KCNAB1: variants seen among roughly 807,000 people sequenced by gnomAD.
KCNAB1 encodes the protein voltage-gated potassium channel subunit beta-1.
In KCNAB1, 35 loss-of-function variants were observed where a neutral mutation model predicts 64.6. The ratio of observed to expected loss-of-function variants is 0.54; its 90% CI spans 0.41 to 0.72. The LOEUF is 0.72. Among genes scored for constraint, KCNAB1 ranks in the 30% least tolerant of loss-of-function variants. The pLI is 0.00. For missense variants in KCNAB1, 401 were observed against 512.9 expected, an observed-to-expected ratio of 0.78 and a Z score of 2.11; for synonymous variants, 177 against 183.8, an observed-to-expected ratio of 0.96 and a Z score of 0.30.
Position 156,387,014 on chromosome 3 carries a change from CTTTT to C in KCNAB1, c.276-34585_276-34582del, listed in dbSNP as rs1194708289. Among the ~76,000 whole-genome samples, 802 of 90,560 alleles carry C rather than the reference CTTTT, an allele frequency of 8.9e-3. 39 individuals are homozygous for C. Among genetic ancestry groups the C allele is most frequent in the African/African-American group, 0.041 (759 of 18,424 alleles). The allele number at this position is 90,560 out of a possible 152,430, so 59.4% of individuals were successfully genotyped here. ...TCTTGCTTGCTTGCTTTCTCTCTCT[CTTTT>C]TTTTTTTTTTTTTTTTGCCTGTATG... is the stretch of plus-strand genomic sequence containing the variant. On this transcript the variant is annotated intron_variant, in intron 1 of 13. Coordinates refer to ENST00000490337, the MANE Select transcript of KCNAB1 (RefSeq NM_172160.3).
chr3:156,259,242 C>T (rs1718289206), intron 1 of KCNAB1, among the ~76,000 whole-genome samples: 1 of 152,184 alleles, frequency 6.6e-6, no homozygotes, highest in South Asian at 2.1e-4. Flanking sequence ...GTTCTCTGCC[C>T]TGACCCCCTT....
intron 8 of KCNAB1, among the ~76,000 whole-genome samples, chr3:156,513,300 C>T (rs1717337890): frequency 6.6e-6 from 1 of 152,046 alleles, no homozygotes; most frequent in South Asian, 2.1e-4. Context: ...CATTCCAAAT[C>T]CTGTTCCGTA....
intron 1 of KCNAB1, among the ~76,000 whole-genome samples, chr3:156,377,897 T>C (rs1156306113): frequency 6.6e-6 from 1 of 152,142 alleles, no homozygotes; most frequent in Non-Finnish European, 1.5e-5. Flanking sequence ...TGCCTCAACT[T>C]TTCTTCAGAC....
chr3:156,370,698 C>T lies in KCNAB1; in HGVS notation c.276-50918C>T, dbSNP rs140774481. 2.3e-3 allele frequency among the ~76,000 whole-genome samples: 353 copies of T among 152,346 alleles called. 1 individual carries two copies. The highest frequency in any genetic ancestry group is 3.1e-3 in the Non-Finnish European group (212 of 68,030). The stretch of plus-strand genomic sequence containing the variant: ...TTAAAGCCCTCCCTGGATTGTATCT[C>T]TCCCACTGTTGTGCCGAACTTCTGT... On this transcript the variant is annotated intron_variant, in intron 1 of 13. Transcript: ENST00000490337.
chr3:156,222,195 G>A (rs1715816215), intron 1 of KCNAB1, among the ~76,000 whole-genome samples: 1 of 152,082 alleles, frequency 6.6e-6, no homozygotes, highest in Non-Finnish European at 1.5e-5. Context: ...CCTAACATAT[G>A]AGGACTCACG....
At chr3:156,176,922 G>A (rs1366061249) in intron 1 of KCNAB1, 8 of 961,398 alleles carry the variant, frequency 8.3e-6, no homozygotes, top group African/African-American at 3.3e-5. Flanking sequence ...GGCGGCAACC[G>A]GATGATGCTT....
intron 1 of KCNAB1, among the ~76,000 whole-genome samples, chr3:156,324,335 C>T (rs114869694): frequency 0.01 from 1,527 of 152,192 alleles, 24 homozygotes; most frequent in African/African-American, 0.035. Context: ...TATTACAATG[C>T]GCTTTAATTA....
intron 1 of KCNAB1, among the ~76,000 whole-genome samples, chr3:156,390,514 C>T (rs1387874822): frequency 6.8e-6 from 1 of 146,806 alleles, no homozygotes; most frequent in Non-Finnish European, 1.5e-5. Context: ...TAAGAAACTC[C>T]ACTTTTCTTT....
At chr3:156,529,408 T>C (rs1718539867) in intron 12 of KCNAB1, among the ~76,000 whole-genome samples, 1 of 152,044 alleles carries the variant, frequency 6.6e-6, no homozygotes, top group Admixed American at 6.5e-5. Flanking sequence ...AAATGATGGT[T>C]GGTAAATTTA....
chr3:156,324,567 T>C (rs1722853909), intron 1 of KCNAB1, among the ~76,000 whole-genome samples: 1 of 152,146 alleles, frequency 6.6e-6, no homozygotes, highest in South Asian at 2.1e-4. Context: ...GCTAATTTGA[T>C]GCCACACGCT....
intron 1 of KCNAB1, among the ~76,000 whole-genome samples, chr3:156,239,968 G>A (rs1456968987): frequency 6.6e-6 from 1 of 152,000 alleles, no homozygotes; most frequent in African/African-American, 2.4e-5. Context: ...GAAAGCTACA[G>A]GAAATACATC....
At chr3:156,245,311 T>G (rs1446342615) in intron 1 of KCNAB1, among the ~76,000 whole-genome samples, 1 of 152,206 alleles carries the variant, frequency 6.6e-6, no homozygotes, top group Non-Finnish European at 1.5e-5. Context: ...TTAAACATAT[T>G]ATTTTGAGAT....
At chr3:156,135,993 C>T (rs936665931) in intron 1 of KCNAB1, among the ~76,000 whole-genome samples, 12 of 152,208 alleles carry the variant, frequency 7.9e-5, no homozygotes, top group Non-Finnish European at 1.6e-4. Context: ...ATATTTAAAG[C>T]CATCCCCATC....
intron 1 of KCNAB1, among the ~76,000 whole-genome samples, chr3:156,341,261 C>A (rs1321047706): frequency 1.3e-5 from 2 of 152,130 alleles, no homozygotes; most frequent in African/African-American, 2.4e-5. Flanking sequence ...GGTAGTAAGT[C>A]ATTGACCCTC....
rs139313095 is a variant in KCNAB1, at chr3:156,129,070, A to G, written c.275+8184A>G. On this transcript the variant is annotated intron_variant, in intron 1 of 13. Coordinates refer to ENST00000490337, the MANE Select transcript of KCNAB1 (RefSeq NM_172160.3). ...TTTATAGTCGTTCTGTTTAATTCATACAACAACCTCATAGTCTTGTTACAA... is the reference window on the plus strand; with the variant it reads ...TTTATAGTCGTTCTGTTTAATTCATGCAACAACCTCATAGTCTTGTTACAA... 2.2e-3 allele frequency among the ~76,000 whole-genome samples: 337 copies of G among 152,244 alleles called. 1 individual carries two copies. The Middle Eastern group carries it at 0.024, about 11-fold the overall frequency.
chr3:156,342,900 T>C (rs1724239381), intron 1 of KCNAB1, among the ~76,000 whole-genome samples: 1 of 152,136 alleles, frequency 6.6e-6, no homozygotes. Flanking sequence ...CCTGAGCACA[T>C]AGATGTGAGC....
chr3:156,483,864 T>C (rs560274976), intron 8 of KCNAB1, among the ~76,000 whole-genome samples: 7 of 152,278 alleles, frequency 4.6e-5, no homozygotes, highest in Non-Finnish European at 7.4e-5. Context: ...CTTTTCCAAC[T>C]GGGTTCCATA....
chr3:156,284,969 C>T (rs978630305), intron 1 of KCNAB1, among the ~76,000 whole-genome samples: 8 of 152,178 alleles, frequency 5.3e-5, no homozygotes, highest in Admixed American at 2.0e-4. Flanking sequence ...TGTTCCTATT[C>T]GGCCATCTTG....
At chr3:156,152,403 G>T (rs1039616891) in intron 1 of KCNAB1, among the ~76,000 whole-genome samples, 1 of 152,174 alleles carries the variant, frequency 6.6e-6, no homozygotes, top group African/African-American at 2.4e-5. Context: ...AGTGGCAGCC[G>T]AAGGAGAGGC....
Sources: gnomAD v4.1 joint callset for allele counts (sites outside exome capture counted in the v4.1 genomes callset) on GRCh38, gnomAD v4.1.1 for gene constraint, MANE v1.5 for transcripts, NCBI Gene and HGNC (gene_info 2026-07-23, HGNC 2026-07-21) for gene names.